POFUT3: variants seen among roughly 807,000 people sequenced by gnomAD.
POFUT3 encodes GDP-fucose protein O-fucosyltransferase 3.
chr8:33,335,543 T>C, the POFUT3 span, among the ~76,000 whole-genome samples: 5 of 152,142 alleles, frequency 3.3e-5, no homozygotes, highest in African/African-American at 1.2e-4. Context: ...AACTTTTCTT[T>C]AGAACTGGAT....
the POFUT3 span, among the ~76,000 whole-genome samples, chr8:33,314,851 G>C: frequency 6.6e-6 from 1 of 152,168 alleles, no homozygotes; most frequent in East Asian, 1.9e-4. Context: ...TAATAACACC[G>C]CCTTTACAGA....
chr8:33,444,878 G>A, the POFUT3 span, among the ~76,000 whole-genome samples: 1 of 150,104 alleles, frequency 6.7e-6, no homozygotes, highest in Non-Finnish European at 1.5e-5. Flanking sequence ...TTTTAAACAA[G>A]GTATCTTATT....
chr8:33,460,868 C>G, the POFUT3 span: 4 of 373,046 alleles, frequency 1.1e-5, no homozygotes, highest in African/African-American at 8.8e-5. Context: ...AACCTCTGAT[C>G]CTGGCTGGGC....
chr8:33,380,867 C>T, the POFUT3 span, among the ~76,000 whole-genome samples: 2 of 150,184 alleles, frequency 1.3e-5, no homozygotes, highest in South Asian at 4.2e-4. Flanking sequence ...GGCACTGTGG[C>T]TCACACCTGT....
chr8:33,334,963 A>G, the POFUT3 span, among the ~76,000 whole-genome samples: 1 of 152,190 alleles, frequency 6.6e-6, no homozygotes, highest in African/African-American at 2.4e-5. Context: ...CATTTCTATA[A>G]GCAGGCTTTG....
At chr8:33,406,714 C>T in the POFUT3 span, among the ~76,000 whole-genome samples, 1 of 152,002 alleles carries the variant, frequency 6.6e-6, no homozygotes, top group Admixed American at 6.6e-5. Flanking sequence ...TGCAGGTATG[C>T]ACCACCACAT....
At chr8:33,457,231 T>G in the POFUT3 span, among the ~76,000 whole-genome samples, 2 of 152,140 alleles carry the variant, frequency 1.3e-5, no homozygotes, top group Admixed American at 1.3e-4. Flanking sequence ...GTGGATCACC[T>G]GAGGTCAGGA....
At chr8:33,424,192 G>A in the POFUT3 span, among the ~76,000 whole-genome samples, 1 of 151,952 alleles carries the variant, frequency 6.6e-6, no homozygotes, top group African/African-American at 2.4e-5. Flanking sequence ...GGGAATTAGG[G>A]TTAAAAACTG....
chr8:33,469,165 G>A, the POFUT3 span, among the ~76,000 whole-genome samples: 33 of 152,172 alleles, frequency 2.2e-4, no homozygotes, highest in Admixed American at 1.6e-3. Flanking sequence ...AATTAGCTGG[G>A]TGTGGTGGTG....
the POFUT3 span, among the ~76,000 whole-genome samples, chr8:33,467,297 A>AAT: frequency 1.3e-5 from 2 of 148,944 alleles, no homozygotes; most frequent in African/African-American, 2.5e-5. Flanking sequence ...AAAAAAAAAG[A>AAT]CTAGTGATTA....
chr8:33,389,073 G>C, the POFUT3 span: 353,968 of 1,613,806 alleles, frequency 0.22, 43,643 homozygotes, highest in South Asian at 0.44. Context: ...CGTTCCCTGA[G>C]AGCTGTCAGA....
the POFUT3 span, chr8:33,372,903 A>G: frequency 9.4e-7 from 1 of 1,065,778 alleles, no homozygotes; most frequent in African/African-American, 1.6e-5. Flanking sequence ...GCTTTACTCC[A>G]TGGAGCTAAA....
At chr8:33,453,657 T>C in the POFUT3 span, 1 of 743,892 alleles carries the variant, frequency 1.3e-6, no homozygotes, top group African/African-American at 1.8e-5. Context: ...ATAACACAAA[T>C]TTAAGCAAGG....
At chr8:33,456,477 C>T in the POFUT3 span, among the ~76,000 whole-genome samples, 1 of 152,064 alleles carries the variant, frequency 6.6e-6, no homozygotes, top group East Asian at 1.9e-4. Context: ...CCTGCCTCAG[C>T]CTCTGGAGTA....
At chr8:33,425,256 C>T in the POFUT3 span, among the ~76,000 whole-genome samples, 1 of 151,948 alleles carries the variant, frequency 6.6e-6, no homozygotes, top group South Asian at 2.1e-4. Context: ...ATTGCCTGAG[C>T]CCAGGAGTTC....
the POFUT3 span, among the ~76,000 whole-genome samples, chr8:33,374,103 A>G: frequency 3.9e-5 from 6 of 152,300 alleles, no homozygotes; most frequent in African/African-American, 1.4e-4. Flanking sequence ...CTCCTGTCAG[A>G]TCATCAGCAA....
the POFUT3 span, among the ~76,000 whole-genome samples, chr8:33,382,686 T>C: frequency 2.0e-5 from 3 of 152,164 alleles, no homozygotes; most frequent in African/African-American, 7.2e-5. Context: ...AAATCATCAC[T>C]GTGCACAAGC....
At chr8:33,350,632 A>T in the POFUT3 span, among the ~76,000 whole-genome samples, 1 of 152,220 alleles carries the variant, frequency 6.6e-6, no homozygotes, top group African/African-American at 2.4e-5. Context: ...AATGATAGAA[A>T]AAGATCCTGA....
the POFUT3 span, among the ~76,000 whole-genome samples, chr8:33,331,779 C>G: frequency 2.0e-5 from 3 of 151,544 alleles, no homozygotes; most frequent in African/African-American, 4.8e-5. Context: ...GGGTTCACGC[C>G]ATTCTCCTGT....
Sources: allele counts gnomAD v4.1 joint callset (sites outside exome capture counted in the v4.1 genomes callset), GRCh38; gene constraint gnomAD v4.1.1; transcripts MANE v1.5; gene names NCBI Gene and HGNC (gene_info 2026-07-23, HGNC 2026-07-21).